The following BTBD2 variants were observed in gnomAD, a reference collection of about 807,000 sequenced individuals.
The protein encoded by BTBD2 is BTB domain containing 2.
A neutral mutation model predicts 44.0 loss-of-function variants in BTBD2; 15 were observed. The observed-to-expected ratio is 0.34, with a 90% CI of 0.23 to 0.53. The LOEUF (loss-of-function observed/expected upper bound fraction) is 0.53. Among genes scored for constraint, BTBD2 ranks in the 20% least tolerant of loss-of-function variants. The pLI is 0.95. For missense variants in BTBD2, 657 were observed against 746.4 expected, an observed-to-expected ratio of 0.88 and a Z score of 1.39; for synonymous variants, 443 against 335.9, an observed-to-expected ratio of 1.32 and a Z score of -3.49.
Position 1,997,459 on chromosome 19 carries a change from C to T in BTBD2, c.412G>A (p.Val138Met), listed in dbSNP as rs141098024. Residue 138 changes from valine to methionine, a missense_variant, in exon 2 of 9, where the codon GTG becomes ATG. By Grantham distance (21) the Val-to-Met change is conservative. Transcript: ENST00000255608. The stretch of plus-strand genomic sequence containing the variant: ...AAGACGGCGCTGCCCACGGCCAGCA[C>T]GAACCTGGTACGGGAGAGAGAAGGC... ...SSQRIPAHRF[V>M]LAVGSAVFDA... is the part of the protein sequence containing the mutation. The T allele has an allele frequency of 1.4e-5, 23 of 1,613,930 alleles. No homozygotes were observed. The highest frequency in any genetic ancestry group is 1.8e-5 in the Non-Finnish European group (21 of 1,180,004).
chr19:1,992,876 A>T, intron 3 of BTBD2, 144 bp downstream of exon 3: 2 of 851,054 alleles, frequency 2.4e-6, no homozygotes, highest in South Asian at 5.3e-5. Flanking sequence ...CCGGCCCAAA[A>T]CACATTTTAC....
At position 1,993,089 on chromosome 19, in the gene BTBD2, G is replaced by A. The variant is rs368360815; in HGVS notation, c.615C>T (p.Leu205=). The A allele has an allele frequency of 3.8e-5, 61 of 1,608,524 alleles. No homozygotes were observed. The highest frequency in any genetic ancestry group is 4.7e-5 in the Non-Finnish European group (55 of 1,179,636). The part of the protein sequence containing the change: ...YTAKKYAVPA[L]EAHCVEFLKK... ...TCAGGAACTCCACGCAATGGGCCTCGAGCGCTGGCACCGCGTACTTCTTGG... is the reference window on the plus strand; with the variant it reads ...TCAGGAACTCCACGCAATGGGCCTCAAGCGCTGGCACCGCGTACTTCTTGG... Residue 205 remains leucine (L), a synonymous_variant, in exon 3 of 9, where the codon CTC becomes CTT. Coordinates refer to ENST00000255608, the MANE Select transcript of BTBD2 (RefSeq NM_017797.4).
rs189981295 is a variant in BTBD2 at position 1,995,230 on chromosome 19, G to T, written c.528-2054C>A. Among the ~76,000 whole-genome samples the T allele has an allele frequency of 1.9e-3, 285 of 150,128 alleles. 12 individuals carry two copies. In the East Asian group the frequency reaches 0.051, roughly 27 times the overall value. On this transcript the variant is annotated intron_variant, in intron 2 of 8. Transcript: ENST00000255608. The stretch of plus-strand genomic sequence containing the variant: ...GATCCACCCACCTCAGCCTCCCAAA[G>T]TGCTGGGATTACAGGTGTGAGCCAC...
chr19:1,987,507 G>C lies in BTBD2; in HGVS notation c.1174C>G (p.Arg392Gly). The change falls in exon 6 of 9, where the codon CGC becomes GGC. Residue 392 changes from arginine (R) to glycine (G), a missense_variant. Coordinates refer to ENST00000255608, the MANE Select transcript of BTBD2 (RefSeq NM_017797.4). The stretch of plus-strand genomic sequence containing the variant: ...CTGCACCCCAAGCCCCACCTGATGC[G>C]GTCACTGGTCCCGCTGTAGCCCCAG... Reference protein sequence around the residue: ...SRWGYSGTSDRIRFSVNKRIF... With the variant: ...SRWGYSGTSDGIRFSVNKRIF... 2 of 1,576,934 alleles carry C rather than the reference G, an allele frequency of 1.3e-6. No individual in the cohort carries two copies. The highest frequency in any genetic ancestry group is 1.7e-6 in the Non-Finnish European group (2 of 1,164,464).
At chr19:1,994,974 T>C (rs948456799) in intron 2 of BTBD2, among the ~76,000 whole-genome samples, 2 of 152,124 alleles carry the variant, frequency 1.3e-5, no homozygotes, top group African/African-American at 2.4e-5. Flanking sequence ...TTTTTCTTTT[T>C]TTGTTGTTGT....
chr19:1,989,771 G>T lies in BTBD2; in HGVS notation c.988+233C>A, dbSNP rs2016146170. On this transcript the variant is annotated intron_variant, in intron 5 of 8. Transcript: ENST00000255608. Reference sequence around the variant, plus strand: ...TGGGAAGATGCCACCAAAACAGCTGGACAGACACGAGAGGCGGGGTCTGGC... The same window carrying T: ...TGGGAAGATGCCACCAAAACAGCTGTACAGACACGAGAGGCGGGGTCTGGC... The T allele has an allele frequency of 5.2e-6, 3 of 575,290 alleles. No homozygotes were observed. The South Asian group carries it at 6.1e-5, about 12-fold the overall frequency. 35.6% of individuals were successfully genotyped at this position (575,290 alleles called of 1,614,324 possible).
intron 1 of BTBD2, among the ~76,000 whole-genome samples, chr19:2,007,926 G>A (rs1368003322): frequency 1.3e-5 from 2 of 152,106 alleles, no homozygotes; most frequent in African/African-American, 4.8e-5. Context: ...ATTTCAGTGA[G>A]TATCTGTAGG....
intron 1 of BTBD2, among the ~76,000 whole-genome samples, chr19:2,009,324 A>C (rs1357261733): frequency 1.3e-5 from 2 of 151,470 alleles, no homozygotes; most frequent in Non-Finnish European, 1.5e-5. Context: ...TCAGCCTCCC[A>C]AGTAGCTGGG....
chr19:2,003,036 G>A (rs547081676), intron 1 of BTBD2: 1 of 152,238 alleles, frequency 6.6e-6, no homozygotes, highest in East Asian at 1.9e-4. Context: ...CATGAGAGCT[G>A]GAGTGGCTAC....
chr19:1,989,710 A>T (rs996652730), intron 5 of BTBD2: 5 of 437,858 alleles, frequency 1.1e-5, no homozygotes, highest in South Asian at 2.3e-5. Flanking sequence ...ACCAGCAGGT[A>T]GCACAAGGGC....
chr19:1,990,573 ACCCAAACTC>A (rs2016161246), intron 4 of BTBD2, 135 bp downstream of exon 4: 3 of 780,226 alleles, frequency 3.8e-6, no homozygotes, highest in Non-Finnish European at 6.1e-6. Context: ...CTGTGCTAGG[ACCCAAACTC>A]CTGACCTGCT....
chr19:1,995,934 C>T (rs1039981366), intron 2 of BTBD2, among the ~76,000 whole-genome samples: 7 of 152,124 alleles, frequency 4.6e-5, no homozygotes, highest in East Asian at 3.9e-4. Context: ...GGATTACAGG[C>T]GTGAGCCACC....
chr19:2,013,242 G>A (rs920768624), intron 1 of BTBD2, among the ~76,000 whole-genome samples: 17 of 152,172 alleles, frequency 1.1e-4, no homozygotes, highest in Admixed American at 9.8e-4. Flanking sequence ...TCCAGTGCCC[G>A]CAGCAAGAAA....
intron 2 of BTBD2, among the ~76,000 whole-genome samples, chr19:1,994,111 G>A (rs1382112842): frequency 6.7e-6 from 1 of 150,106 alleles, no homozygotes; most frequent in Non-Finnish European, 1.5e-5. Context: ...GAGGCCAGGA[G>A]TTAGAGACTA....
chr19:2,013,152 GC>G (rs1346233756), intron 1 of BTBD2, among the ~76,000 whole-genome samples: 3 of 152,152 alleles, frequency 2.0e-5, no homozygotes, highest in Non-Finnish European at 4.4e-5. Context: ...AGACCCAGCT[GC>G]CCATAAACAC....
At chr19:1,996,257 C>G (rs1052685941) in intron 2 of BTBD2, among the ~76,000 whole-genome samples, 11 of 152,042 alleles carry the variant, frequency 7.2e-5, no homozygotes, top group African/African-American at 2.7e-4. Flanking sequence ...CAACTTTGTT[C>G]TTTTTCAAGA....
intron 3 of BTBD2, among the ~76,000 whole-genome samples, chr19:1,992,560 C>T (rs1164664523): frequency 1.3e-5 from 2 of 151,374 alleles, no homozygotes; most frequent in East Asian, 2.0e-4. Context: ...TGAAGTATCA[C>T]GGAAAAGTCC....
In BTBD2 at chr19:1,997,514, G is replaced by A. The variant is rs376020072; in HGVS notation, c.408-51C>T. The A allele has an allele frequency of 6.8e-5, 109 of 1,607,324 alleles. 2 individuals carry two copies. The African/African-American group carries it at 1.1e-3, about 17-fold the overall frequency. ...GTTAAGCCCGTGGCCGCCACCCCAC[G>A]GCCGGGAGGGCCAGCCCGGTATCCT... On this transcript the variant is annotated intron_variant, in intron 1 of 8. Transcript: ENST00000255608.
Position 2,015,278 on chromosome 19 carries a change from G to A in BTBD2, c.407+19C>T, listed in dbSNP as rs2016519447. Reference sequence around the variant, plus strand: ...GCTGGGTGGGTCGGGGCCAGGGCTGGCGGGGTCGGGGCGCCCACCTGTGCG... The same window carrying A: ...GCTGGGTGGGTCGGGGCCAGGGCTGACGGGGTCGGGGCGCCCACCTGTGCG... On this transcript the variant is annotated intron_variant, in intron 1 of 8. Transcript: ENST00000255608. 6.5e-7 allele frequency: 1 copy of A among 1,536,738 alleles called. No homozygotes were observed. Among genetic ancestry groups the A allele is most frequent in the African/African-American group, 1.4e-5 (1 of 72,610 alleles).
Sources: gnomAD v4.1 joint callset for allele counts (sites outside exome capture counted in the v4.1 genomes callset) on GRCh38, gnomAD v4.1.1 for gene constraint, MANE v1.5 for transcripts, NCBI Gene and HGNC (gene_info 2026-07-23, HGNC 2026-07-21) for gene names.